Variants in COL24A1 observed in about 807,000 individuals in gnomAD.
COL24A1 encodes collagen alpha-1(XXIV) chain.
COL24A1 carries 224 observed loss-of-function variants against 253.9 expected under a neutral mutation model. The ratio of observed to expected loss-of-function variants is 0.88; its 90% confidence interval spans 0.79 to 0.99. COL24A1 has a LOEUF of 0.99. Among genes scored for constraint, COL24A1 ranks in the 50% least tolerant of loss-of-function variants. COL24A1 has a pLI of 0.00. For missense variants in COL24A1, 2,131 were observed against 2,068.5 expected, an observed-to-expected ratio of 1.03 and a Z score of -0.59; for synonymous variants, 685 against 673.7, an observed-to-expected ratio of 1.02 and a Z score of -0.26.
At position 86,017,215 on chromosome 1, in the gene COL24A1, G is replaced by T. The variant is rs746537864; in HGVS notation, c.2257-11C>A. 2 of 1,554,394 alleles carry T rather than the reference G, an allele frequency of 1.3e-6. No homozygotes were observed. The highest frequency in any genetic ancestry group is 2.5e-5 in the East Asian group (1 of 40,312). On this transcript the variant is annotated splice_polypyrimidine_tract_variant and intron_variant, in intron 18 of 59. Coordinates refer to ENST00000370571, the MANE Select transcript of COL24A1 (RefSeq NM_152890.7). ...GTCACCTGTTTGGCCCTAAAATGGG[G>T]GGGGAGGATCAAAGTATAAACATAA...
At chr1:85,806,570 CAT>C (rs1324241724) in intron 47 of COL24A1, among the ~76,000 whole-genome samples, 3 of 152,216 alleles carry the variant, frequency 2.0e-5, no homozygotes, top group Non-Finnish European at 2.9e-5. Flanking sequence ...ATTCAAATTT[CAT>C]ATGTTTTTCA....
At chr1:86,054,461 T>C (rs988965032) in intron 10 of COL24A1, among the ~76,000 whole-genome samples, 8 of 151,700 alleles carry the variant, frequency 5.3e-5, no homozygotes, top group Non-Finnish European at 1.2e-4. Context: ...AAAAAACAAA[T>C]AACTTTATTA....
chr1:86,109,719 T>C (rs1180795778), intron 5 of COL24A1, among the ~76,000 whole-genome samples: 1 of 152,234 alleles, frequency 6.6e-6, no homozygotes, highest in African/African-American at 2.4e-5. Context: ...CTAATCCTTA[T>C]CTAATCTTCC....
At chr1:85,869,121 C>T (rs1046416063) in intron 35 of COL24A1, among the ~76,000 whole-genome samples, 4 of 152,028 alleles carry the variant, frequency 2.6e-5, no homozygotes, top group African/African-American at 9.7e-5. Flanking sequence ...CATTTGGTAG[C>T]TCTAGAATTT....
chr1:86,125,882 C>T lies in COL24A1; in HGVS notation c.454G>A (p.Ala152Thr), dbSNP rs1572009930. 1 of 1,613,208 alleles carries T rather than the reference C, an allele frequency of 6.2e-7. No homozygotes were observed. The highest frequency in any genetic ancestry group is 2.2e-5 in the East Asian group (1 of 44,836). The change falls in exon 3 of 60, where the codon GCA becomes ACA. Residue 152 changes from alanine to threonine, a missense_variant. Coordinates refer to ENST00000370571, the MANE Select transcript of COL24A1 (RefSeq NM_152890.7). ...LVVHIRGKQP[A>T]VFNYSVHDEQ... ...TCATGAACACTGTAGTTGAAAACTG[C>T]AGGCTGCTTTCCTCTAATGTGTACT...
rs1668573523 is a variant in COL24A1, at chr1:85,776,632, TATG to T, written c.4339-926_4339-924del. 2.0e-5 allele frequency among the ~76,000 whole-genome samples: 3 copies of T among 151,900 alleles called. No homozygotes were observed. In the South Asian group the frequency reaches 6.2e-4, roughly 31 times the overall value. ...TAATCTTACCTAGTATTTAATATACTATGATAATATTTTAAATTTGCTATTATT... is the reference window on the plus strand; with the variant it reads ...TAATCTTACCTAGTATTTAATATACTATAATATTTTAAATTTGCTATTATT... On this transcript the variant is annotated intron_variant, in intron 52 of 59. Coordinates refer to ENST00000370571, the MANE Select transcript of COL24A1 (RefSeq NM_152890.7).
chr1:85,853,158 T>C (rs1456927845), intron 37 of COL24A1, among the ~76,000 whole-genome samples: 1 of 152,222 alleles, frequency 6.6e-6, no homozygotes, highest in Non-Finnish European at 1.5e-5. Context: ...ATGTTAATTG[T>C]TCCTTTCTTT....
At chr1:85,860,207 C>T (rs929980456) in intron 37 of COL24A1, among the ~76,000 whole-genome samples, 4 of 152,096 alleles carry the variant, frequency 2.6e-5, no homozygotes, top group Non-Finnish European at 5.9e-5. Context: ...ATGATATCCA[C>T]GTATCATGTA....
chr1:86,121,238 T>C (rs1380447661), intron 3 of COL24A1, among the ~76,000 whole-genome samples: 1 of 152,096 alleles, frequency 6.6e-6, no homozygotes, highest in Admixed American at 6.6e-5. Flanking sequence ...CATGTATACA[T>C]ATGTAACAAA....
intron 7 of COL24A1, among the ~76,000 whole-genome samples, chr1:86,065,706 G>T (rs1318427005): frequency 2.0e-5 from 3 of 148,846 alleles, no homozygotes; most frequent in Non-Finnish European, 3.0e-5. Context: ...AGGTGGGAGG[G>T]TTGCTTGAGC....
Position 85,737,577 on chromosome 1 carries a change from T to G in COL24A1, c.4673-72A>C, listed in dbSNP as rs535246187. On this transcript the variant is annotated intron_variant, in intron 57 of 59. Coordinates refer to ENST00000370571, the MANE Select transcript of COL24A1 (RefSeq NM_152890.7). ...AATCCTTATAATTTCTTTTTTTTTT[T>G]TGAGAGAGAGAGTCTCATTCTGTTA... 3.0e-5 allele frequency: 33 copies of G among 1,085,436 alleles called. No homozygotes were observed. In the East Asian group the frequency reaches 3.3e-4, roughly 11 times the overall value. The allele number at this position is 1,085,436 out of a possible 1,614,324, so 67.2% of individuals were successfully genotyped here.
intron 10 of COL24A1, 55 bp downstream of exon 10, chr1:86,057,876 T>A: frequency 1.3e-6 from 2 of 1,489,238 alleles, no homozygotes; most frequent in East Asian, 2.3e-5. Flanking sequence ...TTTTATATAT[T>A]TCATTCTACT....
chr1:85,869,833 A>C (rs541752927), intron 35 of COL24A1, among the ~76,000 whole-genome samples: 1 of 152,336 alleles, frequency 6.6e-6, no homozygotes, highest in African/African-American at 2.4e-5. Flanking sequence ...ACAGGATCAT[A>C]TTCACACACA....
intron 35 of COL24A1, among the ~76,000 whole-genome samples, chr1:85,873,788 C>A (rs1052897867): frequency 2.6e-5 from 4 of 151,512 alleles, no homozygotes; most frequent in African/African-American, 7.3e-5. Flanking sequence ...ATGTAACAAA[C>A]CTGCACGTTG....
intron 7 of COL24A1, among the ~76,000 whole-genome samples, 160 bp from the exon 8 acceptor site, chr1:86,063,919 T>C (rs1406064079): frequency 6.6e-6 from 1 of 151,950 alleles, no homozygotes; most frequent in Non-Finnish European, 1.5e-5. Flanking sequence ...TAATCTTCTT[T>C]ATTTAATAAG....
chr1:86,138,752 T>G (rs776790314), intron 2 of COL24A1, among the ~76,000 whole-genome samples: 51 of 152,142 alleles, frequency 3.4e-4, no homozygotes, highest in Non-Finnish European at 4.3e-4. Flanking sequence ...CCCTTACTTA[T>G]TTTTCTCTTC....
chr1:85,933,062 A>G, intron 24 of COL24A1, among the ~76,000 whole-genome samples: 1 of 138,522 alleles, frequency 7.2e-6, no homozygotes, highest in African/African-American at 2.7e-5. Flanking sequence ...CAATGTGCAC[A>G]TGTACCCTAA....
chr1:85,733,925 C>G (rs1663778112), intron 59 of COL24A1, among the ~76,000 whole-genome samples: 1 of 137,018 alleles, frequency 7.3e-6, no homozygotes, highest in African/African-American at 2.7e-5. Context: ...TTTTTTGAGA[C>G]AGAGTCTTAC....
chr1:85,908,410 T>G (rs1685047611), intron 27 of COL24A1, among the ~76,000 whole-genome samples, 188 bp downstream of exon 27: 2 of 151,766 alleles, frequency 1.3e-5, no homozygotes, highest in South Asian at 4.1e-4. Context: ...GTATACCAAG[T>G]AGAGGTGAGG....
Sources: allele counts gnomAD v4.1 joint callset (sites outside exome capture counted in the v4.1 genomes callset), GRCh38; gene constraint gnomAD v4.1.1; transcripts MANE v1.5; gene names NCBI Gene and HGNC (gene_info 2026-07-23, HGNC 2026-07-21).